The following ADAMTS2 variants were observed in gnomAD, a reference collection of about 807,000 sequenced individuals.
The protein encoded by ADAMTS2 is A disintegrin and metalloproteinase with thrombospondin motifs 2.
A neutral mutation model predicts 123.0 loss-of-function variants in ADAMTS2; 50 were observed. That is an observed-to-expected ratio of 0.41 (90% CI 0.32 to 0.51). ADAMTS2 has a LOEUF of 0.51. Ranked by LOEUF, ADAMTS2 falls within the 20% of genes least tolerant of loss-of-function variation. The probability of loss-of-function intolerance (pLI) is 0.35; values close to 1 mark genes in which losing one functional copy is unlikely to be tolerated. For missense variants in ADAMTS2, 1,494 were observed against 1,705.2 expected (o/e 0.88, Z 2.18); for synonymous variants, 678 against 695.4 (o/e 0.98, Z 0.39).
intron 4 of ADAMTS2, among the ~76,000 whole-genome samples, chr5:179,186,847 C>CA (rs1303186474): frequency 1.4e-5 from 2 of 139,450 alleles, no homozygotes; most frequent in Admixed American, 7.1e-5. Context: ...CCCACCCCCC[C>CA]ACCCACACAC....
At chr5:179,169,252 G>C (rs1016738376) in intron 5 of ADAMTS2, among the ~76,000 whole-genome samples, 7 of 152,180 alleles carry the variant, frequency 4.6e-5, no homozygotes, top group Admixed American at 4.6e-4. Flanking sequence ...CATCATGCGA[G>C]GGCACAGCTA....
In ADAMTS2 at chr5:179,250,350, A is replaced by G. The variant is rs543834390; in HGVS notation, c.688+22561T>C. Among the ~76,000 whole-genome samples the G allele has an allele frequency of 3.9e-4, 59 of 152,318 alleles. No individual in the cohort carries two copies. The South Asian group carries it at 0.012, about 31-fold the overall frequency. On this transcript the variant is annotated intron_variant, in intron 3 of 21. Coordinates refer to ENST00000251582, the MANE Select transcript of ADAMTS2 (RefSeq NM_014244.5). Reference sequence around the variant, plus strand: ...AAATAAATAAATAAAAGGCATCCACATTGCAAAGGAAGAAGTAACACTTCT... The same window carrying G: ...AAATAAATAAATAAAAGGCATCCACGTTGCAAAGGAAGAAGTAACACTTCT...
chr5:179,280,281 C>A (rs1488551957), intron 2 of ADAMTS2, among the ~76,000 whole-genome samples: 1 of 152,182 alleles, frequency 6.6e-6, no homozygotes, highest in Non-Finnish European at 1.5e-5. Flanking sequence ...AAGCTAGACT[C>A]CACTTTGAAG....
intron 4 of ADAMTS2, among the ~76,000 whole-genome samples, chr5:179,198,891 G>A (rs955105654): frequency 1.6e-4 from 24 of 150,794 alleles, no homozygotes; most frequent in Middle Eastern, 3.5e-3. Flanking sequence ...ACAAGGGCCC[G>A]CCCCCTGCCT....
At chr5:179,167,635 C>T (rs1191298202) in intron 5 of ADAMTS2, among the ~76,000 whole-genome samples, 2 of 152,312 alleles carry the variant, frequency 1.3e-5, no homozygotes, top group African/African-American at 4.8e-5. Context: ...TCAGCCAGCC[C>T]CGCAGGCCGC....
chr5:179,293,486 A>C (rs1657600074), intron 2 of ADAMTS2, among the ~76,000 whole-genome samples: 2 of 152,242 alleles, frequency 1.3e-5, no homozygotes, highest in African/African-American at 2.4e-5. Context: ...GAGTGTGCCA[A>C]CGCCTCCGGG....
Position 179,329,374 on chromosome 5 carries a change from A to C in ADAMTS2, c.534+14393T>G, listed in dbSNP as rs374323665. Among the ~76,000 whole-genome samples, 49 of 147,160 alleles carry C rather than the reference A, an allele frequency of 3.3e-4. 1 individual carries two copies. In the South Asian group the frequency reaches 1.0e-2, roughly 30 times the overall value. On this transcript the variant is annotated intron_variant, in intron 2 of 21. Transcript: ENST00000251582. ...CAAAACCCAGAAAGGCCAGAAATAA[A>C]CCCCATATCCTCCATGAACTTCACA...
At position 179,238,909 on chromosome 5, in the gene ADAMTS2, T is replaced by C. The variant is rs1765596476; in HGVS notation, c.689-31194A>G. ...CTTCCACCATAGTGCAGGATTCCTCTTACAGGAAATGCCCCAGTAGGCAGA... is the reference window on the plus strand; with the variant it reads ...CTTCCACCATAGTGCAGGATTCCTCCTACAGGAAATGCCCCAGTAGGCAGA... On this transcript the variant is annotated intron_variant, in intron 3 of 21. Transcript: ENST00000251582. 2.0e-5 allele frequency among the ~76,000 whole-genome samples: 3 copies of C among 152,022 alleles called. No individual in the cohort carries two copies. In the South Asian group the frequency reaches 6.2e-4, roughly 32 times the overall value.
intron 10 of ADAMTS2, among the ~76,000 whole-genome samples, chr5:179,142,515 G>C (rs1561775673): frequency 6.6e-6 from 1 of 152,212 alleles, no homozygotes; most frequent in East Asian, 1.9e-4. Context: ...CCAGGACACT[G>C]TCAAAAACAA....
intron 3 of ADAMTS2, among the ~76,000 whole-genome samples, chr5:179,259,542 C>T (rs371627387): frequency 2.6e-4 from 40 of 152,222 alleles, no homozygotes; most frequent in South Asian, 2.1e-3. Context: ...GGCCAAGGCA[C>T]GCTGGGAGCA....
chr5:179,251,820 C>T (rs544596678), intron 3 of ADAMTS2, among the ~76,000 whole-genome samples: 20 of 152,008 alleles, frequency 1.3e-4, no homozygotes, highest in East Asian at 3.9e-4. Context: ...GGAGGAAAGA[C>T]GTGCACAGGC....
chr5:179,123,801 A>C (rs1360215549), intron 19 of ADAMTS2, among the ~76,000 whole-genome samples: 1 of 152,092 alleles, frequency 6.6e-6, no homozygotes, highest in Non-Finnish European at 1.5e-5. Context: ...ACCTATTAAG[A>C]GTGTTTTTGC....
rs925554043 is a variant in ADAMTS2 at position 179,114,217 on chromosome 5, A to T, written c.3286T>A (p.Tyr1096Asn). 4.3e-6 allele frequency: 7 copies of T among 1,612,932 alleles called. No individual in the cohort carries two copies. The highest frequency in any genetic ancestry group is 1.1e-5 in the South Asian group (1 of 91,040). Residue 1096 changes from tyrosine (Y) to asparagine (N), a missense_variant, in exon 22 of 22, where the codon TAC becomes AAC. By Grantham distance (143) the Tyr-to-Asn change is moderately radical. This residue lies in a region of ADAMTS2 where 953 missense variants were observed against 1,124.7 expected (regional missense o/e 0.85). Transcript: ENST00000251582. ...CCCTCCACGTTGGTGAGGTTGTTGT[A>T]CAGGTTACAGGACTTGCAGCACAGC... ...NKLCCKSCNL[Y>N]NNLTNVEGRI...
At position 179,307,542 on chromosome 5, in the gene ADAMTS2, A is replaced by G. The variant is rs1380186797; in HGVS notation, c.535-34478T>C. 1.3e-5 allele frequency among the ~76,000 whole-genome samples: 2 copies of G among 152,018 alleles called. No homozygotes were observed. The highest frequency in any genetic ancestry group is 6.5e-5 in the Admixed American group (1 of 15,270). On this transcript the variant is annotated intron_variant, in intron 2 of 21. Transcript: ENST00000251582. This position sits in a 1 kb window ranked among gnomAD's most constrained non-coding sequence, Gnocchi z 5.6. ...TCCCAAGCCTGTGACCTCATTCTCTATGCTCCTCACGGCTGCCCCACAGAA... is the reference window on the plus strand; with the variant it reads ...TCCCAAGCCTGTGACCTCATTCTCTGTGCTCCTCACGGCTGCCCCACAGAA...
chr5:179,245,791 A>AAAC lies in ADAMTS2; in HGVS notation c.688+27119_688+27120insGTT, dbSNP rs1561628671. On this transcript the variant is annotated intron_variant, in intron 3 of 21. Coordinates refer to ENST00000251582, the MANE Select transcript of ADAMTS2 (RefSeq NM_014244.5). ...AAAAAAAAAAAAAAAAAAAAAAAAA[A>AAAC]AAAACAAAAAAAACAAAGATGGGGG... Among the ~76,000 whole-genome samples the AAAC allele has an allele frequency of 7.6e-4, 65 of 85,644 alleles. 4 individuals carry two copies. The highest frequency in any genetic ancestry group is 1.0e-3 in the Non-Finnish European group (35 of 34,120). The allele number at this position is 85,644 out of a possible 152,430, so 56.2% of individuals were successfully genotyped here. A position where few individuals can be genotyped will look rare whatever the true frequency, so the allele number is the denominator to read the frequency against.
intron 5 of ADAMTS2, among the ~76,000 whole-genome samples, chr5:179,165,590 A>T (rs1292983745): frequency 6.6e-6 from 1 of 152,082 alleles, no homozygotes. Flanking sequence ...CCAGCCAGGG[A>T]CTTTACAGGG....
intron 1 of ADAMTS2, 94 bp from the exon 2 acceptor site, chr5:179,344,255 C>A (rs1757872693): frequency 6.8e-7 from 1 of 1,464,790 alleles, no homozygotes; most frequent in Non-Finnish European, 9.2e-7. Flanking sequence ...GACCCCGCCC[C>A]ACTGCGAAGG....
intron 5 of ADAMTS2, among the ~76,000 whole-genome samples, chr5:179,164,264 C>CTAT (rs1467358242): frequency 6.6e-6 from 1 of 152,248 alleles, no homozygotes; most frequent in Non-Finnish European, 1.5e-5. Flanking sequence ...CATTCAAGGG[C>CTAT]TATGGGGTAC....
In ADAMTS2 at chr5:179,142,063, G is replaced by A. The variant is rs772526918; in HGVS notation, c.1630-2028C>T. ...CTGCTCCTTTAGCTCTGGCTCAGTGGTGCAGGGGCCTGCCCAGAGGGAGAG... is the reference window on the plus strand; with the variant it reads ...CTGCTCCTTTAGCTCTGGCTCAGTGATGCAGGGGCCTGCCCAGAGGGAGAG... On this transcript the variant is annotated intron_variant, in intron 10 of 21. Transcript: ENST00000251582. 3.2e-4 allele frequency among the ~76,000 whole-genome samples: 47 copies of A among 147,236 alleles called. 1 individual carries two copies. Among genetic ancestry groups the A allele is most frequent in the Non-Finnish European group, 5.8e-4 (39 of 66,890 alleles).
Sources: allele counts gnomAD v4.1 joint callset (sites outside exome capture counted in the v4.1 genomes callset), GRCh38; gene constraint gnomAD v4.1.1; regional missense constraint gnomAD v4.1.1; non-coding constraint Gnocchi (gnomAD v3.1); transcripts MANE v1.5; gene names NCBI Gene and HGNC (gene_info 2026-07-23, HGNC 2026-07-21).